Variants in DMD observed in about 807,000 individuals in gnomAD.
DMD encodes the protein mutant dystrophin.
Under a neutral mutation model 330.1 loss-of-function variants are expected in DMD, and 63 were observed. The ratio of observed to expected loss-of-function variants is 0.19; its 90% CI spans 0.16 to 0.24. The LOEUF (loss-of-function observed/expected upper bound fraction) is 0.24. Among genes scored for constraint, DMD ranks in the 10% least tolerant of loss-of-function variants. DMD has a pLI of 1.00. For missense variants in DMD, 3,344 were observed against 2,684.1 expected, an observed-to-expected ratio of 1.25 and a Z score of -5.43; for synonymous variants, 1,223 against 959.8, an observed-to-expected ratio of 1.27 and a Z score of -5.07.
intron 41 of DMD, among the ~76,000 whole-genome samples, chrX:32,335,730 A>G (rs1442233220): frequency 1.1e-5 from 1 of 93,588 alleles, no homozygotes; most frequent in Non-Finnish European, 2.1e-5. Flanking sequence ...ACATGTATAT[A>G]CGTAGAACAT....
chrX:33,331,305 C>T (rs1339714489), intron 1 of DMD, among the ~76,000 whole-genome samples: 1 of 111,656 alleles, frequency 9.0e-6, no homozygotes, highest in East Asian at 2.8e-4. Context: ...ACTTAATCTC[C>T]TTTTTACACT....
At chrX:32,167,987 G>A (rs938497625) in intron 44 of DMD, among the ~76,000 whole-genome samples, 2 of 112,368 alleles carry the variant, frequency 1.8e-5, no homozygotes, top group African/African-American at 6.5e-5. Flanking sequence ...AAAAAGAAAA[G>A]AAAACATGAT....
chrX:32,379,672 T>C lies in DMD; in HGVS notation c.4845+838A>G, dbSNP rs756660246. On this transcript the variant is annotated intron_variant, in intron 34 of 78. Transcript: ENST00000357033. The stretch of plus-strand genomic sequence containing the variant: ...AAGACAGTTTTCAGTTTGGGTCTCA[T>C]TTATACGATTGTAAGTTTTTACATA... Among the ~76,000 whole-genome samples the C allele has an allele frequency of 2.7e-5, 3 of 111,756 alleles. No individual in the cohort carries two copies. The South Asian group carries it at 1.1e-3, about 41-fold the overall frequency.
chrX:32,189,269 A>G (rs1194738029), intron 44 of DMD, among the ~76,000 whole-genome samples: 2 of 109,291 alleles, frequency 1.8e-5, no homozygotes, highest in African/African-American at 6.6e-5. Flanking sequence ...TTATTTCATG[A>G]GCTAGACCAA....
At chrX:32,848,249 T>C (rs1312047673) in intron 3 of DMD, among the ~76,000 whole-genome samples, 1 of 111,774 alleles carries the variant, frequency 8.9e-6, no homozygotes, top group African/African-American at 3.3e-5. Context: ...GGGACTTCTG[T>C]ATTCGGTAAC....
chrX:32,205,281 C>T (rs536087554), intron 44 of DMD, among the ~76,000 whole-genome samples: 1 of 101,975 alleles, frequency 9.8e-6, no homozygotes, highest in East Asian at 3.0e-4. Flanking sequence ...TGTGCCATTT[C>T]TTTCCATGCA....
intron 44 of DMD, among the ~76,000 whole-genome samples, chrX:32,168,863 AAT>A (rs2096877731): frequency 9.0e-6 from 1 of 111,643 alleles, no homozygotes; most frequent in African/African-American, 3.3e-5. Flanking sequence ...AATTACACAA[AAT>A]ATGTTTCAGT....
At position 32,342,239 on chromosome X, in the gene DMD, G is replaced by A. The variant is rs771948526; in HGVS notation, c.5783C>T (p.Ala1928Val). Residue 1928 changes from alanine to valine, a missense_variant, in exon 41 of 79, where the codon GCA becomes GTA. Ala to Val is a moderately conservative substitution (Grantham distance 64). Transcript: ENST00000357033. ...CAAGCCCTCAGCTTGCCTACGCACT[G>A]CATTCAGCTCCTCTTTCTTCTTCTG... is the stretch of plus-strand genomic sequence containing the variant. ...ELQKKKEELN[A>V]VRRQAEGLSE... The A allele has an allele frequency of 3.3e-6, 4 of 1,211,436 alleles. No individual in the cohort carries two copies. The highest frequency in any genetic ancestry group is 4.5e-6 in the Non-Finnish European group (4 of 895,424).
chrX:33,298,087 A>G (rs894682756), intron 1 of DMD, among the ~76,000 whole-genome samples: 1 of 111,497 alleles, frequency 9.0e-6, no homozygotes, highest in African/African-American at 3.3e-5. Flanking sequence ...TAACAACAAA[A>G]AAGTATCCCT....
intron 54 of DMD, among the ~76,000 whole-genome samples, chrX:31,640,915 A>T (rs1164325183): frequency 8.9e-6 from 1 of 112,192 alleles, no homozygotes; most frequent in Non-Finnish European, 1.9e-5. Context: ...TGCTCAGATA[A>T]CAGTGTCCTT....
At chrX:31,796,546 T>C (rs1447257003) in intron 50 of DMD, among the ~76,000 whole-genome samples, 1 of 112,183 alleles carries the variant, frequency 8.9e-6, no homozygotes, top group African/African-American at 3.2e-5. Flanking sequence ...GGTGAAAATA[T>C]GAGTTTGGAA....
chrX:31,982,548 T>C (rs960980068), intron 44 of DMD, among the ~76,000 whole-genome samples: 5 of 111,665 alleles, frequency 4.5e-5, no homozygotes, highest in Non-Finnish European at 9.4e-5. Context: ...ATTTATTCTT[T>C]TGGTTTTCTT....
intron 43 of DMD, among the ~76,000 whole-genome samples, chrX:32,248,307 A>G (rs1470204571): frequency 8.9e-6 from 1 of 111,776 alleles, no homozygotes; most frequent in Non-Finnish European, 1.9e-5. Flanking sequence ...GAGATTTACA[A>G]AAAAGGCATT....
intron 47 of DMD, among the ~76,000 whole-genome samples, chrX:31,909,591 A>G (rs1306483035): frequency 5.4e-5 from 6 of 110,499 alleles, no homozygotes; most frequent in Admixed American, 2.9e-4. Context: ...TCAGTTTGAG[A>G]CCAGTTTTCT....
chrX:31,563,673 C>T (rs1191922754), intron 55 of DMD, among the ~76,000 whole-genome samples: 2 of 111,568 alleles, frequency 1.8e-5, no homozygotes, highest in Admixed American at 9.5e-5. Flanking sequence ...TCTTGATAAG[C>T]CTAAAATACT....
chrX:31,581,637 G>C (rs1167401350), intron 55 of DMD, among the ~76,000 whole-genome samples: 2 of 111,975 alleles, frequency 1.8e-5, no homozygotes, highest in Non-Finnish European at 3.8e-5. Flanking sequence ...CACTGAATTA[G>C]AAGGCACTAC....
At chrX:32,478,614 TAA>T (rs1318915837) in intron 21 of DMD, among the ~76,000 whole-genome samples, 3 of 112,062 alleles carry the variant, frequency 2.7e-5, no homozygotes, top group Non-Finnish European at 5.6e-5. Context: ...TGTCAATATA[TAA>T]GTTGTTTCCT....
intron 7 of DMD, among the ~76,000 whole-genome samples, chrX:32,780,258 C>A (rs1474785584): frequency 8.9e-6 from 1 of 111,971 alleles, no homozygotes; most frequent in East Asian, 2.8e-4. Flanking sequence ...ACTTTTGTAC[C>A]ATACATGGAA....
chrX:31,660,850 A>G (rs2081081405), intron 53 of DMD, among the ~76,000 whole-genome samples: 1 of 111,846 alleles, frequency 8.9e-6, no homozygotes, highest in African/African-American at 3.2e-5. Context: ...GTATATGCAC[A>G]TGTTCTAGCC....
Sources: allele counts gnomAD v4.1 joint callset (sites outside exome capture counted in the v4.1 genomes callset), GRCh38; gene constraint gnomAD v4.1.1; transcripts MANE v1.5; gene names NCBI Gene and HGNC (gene_info 2026-07-23, HGNC 2026-07-21).